The following GABRR2 variants were observed in gnomAD, a reference collection of about 807,000 sequenced individuals.
The protein encoded by GABRR2 is gamma-aminobutyric acid receptor subunit rho-2.
Under a neutral mutation model 47.0 loss-of-function variants are expected in GABRR2, and 36 were observed. The ratio of observed to expected loss-of-function variants is 0.77; its 90% CI spans 0.59 to 1.01. The LOEUF (loss-of-function observed/expected upper bound fraction) is 1.01. Ranked by LOEUF, GABRR2 falls within the 50% of genes least tolerant of loss-of-function variation. GABRR2 has a pLI of 0.00. For missense variants in GABRR2, 587 were observed against 594.6 expected (o/e 0.99, Z 0.13); for synonymous variants, 204 against 227.5 (o/e 0.90, Z 0.93).
At chr6:89,310,582 C>T (rs1045634224) in intron 1 of GABRR2, among the ~76,000 whole-genome samples, 5 of 152,218 alleles carry the variant, frequency 3.3e-5, no homozygotes, top group African/African-American at 1.2e-4. Flanking sequence ...AAATCCCTAC[C>T]CTCTACTCTC....
chr6:89,268,879 C>A (rs576789300), intron 4 of GABRR2, 132 bp downstream of exon 4: 13 of 719,170 alleles, frequency 1.8e-5, no homozygotes, highest in African/African-American at 1.8e-4. Context: ...ATAGTTCTGA[C>A]TAGCATCAGA....
In GABRR2 at chr6:89,261,710, G is replaced by A. The variant is rs374399581; in HGVS notation, c.1086+2702C>T. Among the ~76,000 whole-genome samples, 88 of 152,220 alleles carry A rather than the reference G, an allele frequency of 5.8e-4. 2 individuals are homozygous for A. In the South Asian group the frequency reaches 0.017, roughly 30 times the overall value. ...ACAAGGTTTTTCTTTTTCTCTTTCA[G>A]CTAAACAAGCACTGGCCTTGAGATA... On this transcript the variant is annotated intron_variant, in intron 8 of 8. Transcript: ENST00000402938.
rs774697752 is a variant in GABRR2, at chr6:89,271,734, C to G, written c.221-12G>C. ...CGGGATGGCAGGGCCTGCAGAAGAG[C>G]AGAGACAGCTGGTTAAGGCACCTTC... On this transcript the variant is annotated splice_polypyrimidine_tract_variant and intron_variant, in intron 2 of 8. Coordinates refer to ENST00000402938, the MANE Select transcript of GABRR2 (RefSeq NM_002043.5). The G allele has an allele frequency of 5.6e-6, 9 of 1,609,498 alleles. No individual in the cohort carries two copies. The highest frequency in any genetic ancestry group is 1.3e-5 in the African/African-American group (1 of 74,822).
At chr6:89,297,037 A>G (rs965978785) in intron 2 of GABRR2, among the ~76,000 whole-genome samples, 1 of 152,094 alleles carries the variant, frequency 6.6e-6, no homozygotes, top group Non-Finnish European at 1.5e-5. Context: ...GGTACAACAC[A>G]TTGTTCGGAA....
chr6:89,305,874 A>G (rs532102859), intron 1 of GABRR2, among the ~76,000 whole-genome samples: 2 of 152,196 alleles, frequency 1.3e-5, no homozygotes, highest in African/African-American at 4.8e-5. Context: ...GGGTGTCAAA[A>G]TCATCTGTAC....
At chr6:89,265,315 A>G (rs938749955) in intron 7 of GABRR2, among the ~76,000 whole-genome samples, 12 of 152,316 alleles carry the variant, frequency 7.9e-5, no homozygotes, top group African/African-American at 2.9e-4. Context: ...CATTTGCAGA[A>G]TCATCTTGTT....
At chr6:89,275,050 A>C (rs1210460497) in intron 2 of GABRR2, among the ~76,000 whole-genome samples, 1 of 151,870 alleles carries the variant, frequency 6.6e-6, no homozygotes, top group African/African-American at 2.4e-5. Context: ...TTCCGCTTTA[A>C]TTTTTCTTCT....
intron 2 of GABRR2, among the ~76,000 whole-genome samples, chr6:89,297,977 C>T (rs573711040): frequency 6.6e-6 from 1 of 152,224 alleles, no homozygotes; most frequent in Non-Finnish European, 1.5e-5. Context: ...TTTGGGGACG[C>T]CTTGCTTAGA....
chr6:89,307,814 CTTTT>C lies in GABRR2; in HGVS notation c.113+7235_113+7238del, dbSNP rs1247224346. On this transcript the variant is annotated intron_variant, in intron 1 of 8. Transcript: ENST00000402938. ...CCCTGTTCTTGTCAAACTTCATTCA[CTTTT>C]TTTTTTTTTTTTTTTTTGAGATGGA... Among the ~76,000 whole-genome samples, 1,207 of 125,218 alleles carry C rather than the reference CTTTT, an allele frequency of 9.6e-3. 10 individuals carry two copies. Among genetic ancestry groups the C allele is most frequent in the African/African-American group, 0.03 (937 of 31,516 alleles). The allele number at this position is 125,218 out of a possible 152,430, so 82.1% of individuals were successfully genotyped here.
In GABRR2 at chr6:89,285,279, T is replaced by C. The variant is rs141012161; in HGVS notation, c.221-13557A>G. On this transcript the variant is annotated intron_variant, in intron 2 of 8. Coordinates refer to ENST00000402938, the MANE Select transcript of GABRR2 (RefSeq NM_002043.5). Reference sequence around the variant, plus strand: ...GGAATTGTTGTTACTGGGGGTTATATGGCTTGACTTTGCATTTGCTGCATG... The same window carrying C: ...GGAATTGTTGTTACTGGGGGTTATACGGCTTGACTTTGCATTTGCTGCATG... 1.0e-3 allele frequency among the ~76,000 whole-genome samples: 157 copies of C among 152,362 alleles called. 1 individual carries two copies. The highest frequency in any genetic ancestry group is 3.0e-3 in the African/African-American group (124 of 41,588).
At position 89,273,090 on chromosome 6, in the gene GABRR2, T is replaced by C. The variant is rs377721602; in HGVS notation, c.221-1368A>G. ...GGTTGGGTGACTATTTTCTGTGTTC[T>C]TAAACGTGAAAGAAAATAAGTACAA... On this transcript the variant is annotated intron_variant, in intron 2 of 8. Transcript: ENST00000402938. Among the ~76,000 whole-genome samples, 14 of 152,336 alleles carry C rather than the reference T, an allele frequency of 9.2e-5. No homozygotes were observed. In the East Asian group the frequency reaches 1.7e-3, roughly 19 times the overall value.
intron 2 of GABRR2, among the ~76,000 whole-genome samples, chr6:89,275,672 T>C (rs1223264317): frequency 6.6e-6 from 1 of 152,222 alleles, no homozygotes; most frequent in Non-Finnish European, 1.5e-5. Flanking sequence ...TATTTGGATC[T>C]ACTTCTCTTA....
intron 2 of GABRR2, among the ~76,000 whole-genome samples, chr6:89,284,383 G>A (rs1684957256): frequency 6.6e-6 from 1 of 152,196 alleles, no homozygotes; most frequent in Non-Finnish European, 1.5e-5. Flanking sequence ...CTGGGGATGT[G>A]TGTGGTTGGA....
chr6:89,261,853 A>C (rs544231080), intron 8 of GABRR2, among the ~76,000 whole-genome samples: 10 of 152,282 alleles, frequency 6.6e-5, no homozygotes, highest in Admixed American at 5.9e-4. Flanking sequence ...AGTCTTGGCA[A>C]CATGGCAAAA....
rs756735401 is a variant in GABRR2 at position 89,264,495 on chromosome 6, C to T, written c.1003G>A (p.Val335Met). 6.2e-6 allele frequency: 10 copies of T among 1,614,106 alleles called. No individual in the cohort carries two copies. Among genetic ancestry groups the T allele is most frequent in the South Asian group, 3.3e-5 (3 of 91,082 alleles). Residue 335 changes from valine (V) to methionine (M), a missense_variant, in exon 8 of 9, where the codon GTG becomes ATG. By Grantham distance (21) the Val-to-Met change is conservative. Coordinates refer to ENST00000402938, the MANE Select transcript of GABRR2 (RefSeq NM_002043.5). ...DIYLWVSFVF[V>M]FLSVLEYAAV... is the part of the protein sequence containing the mutation. ...GCATACTCCAGCACCGAGAGGAACACGAACACAAAGCTGACCCAGAGGTAG... is the reference window on the plus strand; with the variant it reads ...GCATACTCCAGCACCGAGAGGAACATGAACACAAAGCTGACCCAGAGGTAG...
intron 3 of GABRR2, among the ~76,000 whole-genome samples, chr6:89,270,118 T>C (rs888135917): frequency 2.0e-5 from 3 of 152,098 alleles, no homozygotes; most frequent in African/African-American, 7.2e-5. Flanking sequence ...TCCCAGTGCA[T>C]CAGCAGCTGC....
At chr6:89,258,863 T>C (rs1405436953) in intron 8 of GABRR2, among the ~76,000 whole-genome samples, 1 of 147,880 alleles carries the variant, frequency 6.8e-6, no homozygotes, top group East Asian at 2.0e-4. Flanking sequence ...GATACATGCT[T>C]ATATGGAGAA....
intron 2 of GABRR2, among the ~76,000 whole-genome samples, chr6:89,272,469 G>A (rs1319667418): frequency 2.0e-5 from 3 of 152,212 alleles, no homozygotes; most frequent in African/African-American, 7.2e-5. Flanking sequence ...GTAGTGAGTG[G>A]TACACTTACA....
intron 2 of GABRR2, among the ~76,000 whole-genome samples, chr6:89,289,980 G>T (rs1437551309): frequency 1.3e-5 from 2 of 152,108 alleles, no homozygotes; most frequent in African/African-American, 4.8e-5. Context: ...GGGACTCTTT[G>T]ATTCCTGAGA....
Sources: gnomAD v4.1 joint callset for allele counts (sites outside exome capture counted in the v4.1 genomes callset) on GRCh38, gnomAD v4.1.1 for gene constraint, MANE v1.5 for transcripts, NCBI Gene and HGNC (gene_info 2026-07-23, HGNC 2026-07-21) for gene names.